PHLPP1: variants seen among roughly 807,000 people sequenced by gnomAD.
PHLPP1 encodes PH domain leucine-rich repeat-containing protein phosphatase 1.
Under a neutral mutation model 117.2 loss-of-function variants are expected in PHLPP1, and 42 were observed. The ratio of observed to expected loss-of-function variants is 0.36; its 90% CI spans 0.28 to 0.46. PHLPP1 has a LOEUF of 0.46. Among genes scored for constraint, PHLPP1 ranks in the 20% least tolerant of loss-of-function variants. The pLI, the probability that PHLPP1 is intolerant of heterozygous loss-of-function variation, is 1.00. For synonymous variants in PHLPP1, 1,042 were observed against 970.7 expected, an observed-to-expected ratio of 1.07 and a Z score of -1.37; for missense variants, 2,084 against 2,241.9, an observed-to-expected ratio of 0.93 and a Z score of 1.42.
chr18:62,914,186 A>T (rs561945182), intron 8 of PHLPP1, among the ~76,000 whole-genome samples: 1 of 152,186 alleles, frequency 6.6e-6, no homozygotes, highest in African/African-American at 2.4e-5. Context: ...CCATTTGTCC[A>T]TGGCTGTGTT....
At chr18:62,789,934 C>T (rs1417628907) in intron 1 of PHLPP1, among the ~76,000 whole-genome samples, 6 of 152,084 alleles carry the variant, frequency 3.9e-5, no homozygotes, top group Admixed American at 2.0e-4. Context: ...GGTCATTTAT[C>T]GCAGTTGAAG....
chr18:62,942,297 G>A (rs1229387161), intron 11 of PHLPP1, among the ~76,000 whole-genome samples: 2 of 152,046 alleles, frequency 1.3e-5, no homozygotes, highest in Non-Finnish European at 2.9e-5. Flanking sequence ...GACATGGGAG[G>A]GTCACTTGAG....
At chr18:62,832,629 A>G (rs2144333806) in intron 2 of PHLPP1, among the ~76,000 whole-genome samples, 1 of 152,314 alleles carries the variant, frequency 6.6e-6, no homozygotes, top group Non-Finnish European at 1.5e-5. Flanking sequence ...GTTTTATACT[A>G]TGCCTTTAAA....
intron 1 of PHLPP1, 113 bp downstream of exon 1, chr18:62,717,372 G>A: frequency 1.5e-6 from 2 of 1,378,896 alleles, no homozygotes; most frequent in African/African-American, 1.5e-5. Context: ...GTCCTGATGA[G>A]TCTTTGTCTT....
chr18:62,937,992 A>G (rs1169538363), intron 10 of PHLPP1, among the ~76,000 whole-genome samples: 1 of 152,190 alleles, frequency 6.6e-6, no homozygotes, highest in South Asian at 2.1e-4. Flanking sequence ...TGGGCAACAG[A>G]GCAAGACTCT....
intron 13 of PHLPP1, among the ~76,000 whole-genome samples, chr18:62,960,388 G>A (rs548577625): frequency 1.1e-4 from 16 of 152,162 alleles, no homozygotes; most frequent in South Asian, 4.1e-4. Flanking sequence ...TATTTATGTC[G>A]TATATGTTTA....
intron 1 of PHLPP1, among the ~76,000 whole-genome samples, chr18:62,784,460 T>C (rs142080304): frequency 1.8e-3 from 269 of 152,346 alleles, no homozygotes; most frequent in African/African-American, 6.2e-3. Flanking sequence ...GTAGGTTTTG[T>C]AGCCATACCC....
chr18:62,942,129 C>G (rs1568168954), intron 11 of PHLPP1, among the ~76,000 whole-genome samples: 1 of 152,200 alleles, frequency 6.6e-6, no homozygotes, highest in East Asian at 1.9e-4. Flanking sequence ...GACCTAATCA[C>G]AAGAATGTTC....
At position 62,716,099 on chromosome 18, in the gene PHLPP1, C is replaced by A; in HGVS notation, c.416C>A (p.Ser139Ter). ...TCCGCGGCCGCCGCGGCCGCCTCCT[C>A]GTCGTCGTCGTCCTCGGCCGCTGCT... ...NLSAAAAAAS[S>*]SSSSSAAAAS... The change falls in exon 1 of 17, where the codon TCG becomes TAG. Residue 139 changes from serine (S) to a stop codon, truncating the protein, a stop_gained. Coordinates refer to ENST00000262719, the MANE Select transcript of PHLPP1 (RefSeq NM_194449.4). LOFTEE classifies it high-confidence loss of function. The surrounding 1 kb of genome is among the most constrained non-coding windows in gnomAD (Gnocchi z 5.7). 1 of 1,498,808 alleles carries A rather than the reference C, an allele frequency of 6.7e-7. No homozygotes were observed. Among genetic ancestry groups the A allele is most frequent in the South Asian group, 1.3e-5 (1 of 79,896 alleles). The allele number at this position is 1,498,808 out of a possible 1,614,324, so 92.8% of individuals were successfully genotyped here. A position where few individuals can be genotyped will look rare whatever the true frequency, so the allele number is the denominator to read the frequency against.
intron 2 of PHLPP1, among the ~76,000 whole-genome samples, chr18:62,835,743 G>C (rs1349136740): frequency 7.0e-6 from 1 of 142,998 alleles, no homozygotes; most frequent in Non-Finnish European, 1.5e-5. Context: ...ACGTTAAACT[G>C]TCTTTCTTTA....
At chr18:62,868,974 ATCTT>A (rs1915833721) in intron 4 of PHLPP1, among the ~76,000 whole-genome samples, 1 of 152,256 alleles carries the variant, frequency 6.6e-6, no homozygotes. Context: ...GACATGAGCC[ATCTT>A]TCAGCTGTTG....
chr18:62,881,940 G>A (rs539466588), intron 4 of PHLPP1, among the ~76,000 whole-genome samples: 4 of 152,304 alleles, frequency 2.6e-5, no homozygotes, highest in South Asian at 2.1e-4. Flanking sequence ...TCTGAAGCAG[G>A]CACAATGAGC....
At chr18:62,846,209 C>CAAAAAAAA (rs34577472) in intron 3 of PHLPP1, among the ~76,000 whole-genome samples, 1 of 78,676 alleles carries the variant, frequency 1.3e-5, no homozygotes, top group African/African-American at 5.2e-5. Flanking sequence ...AACTCCATCT[C>CAAAAAAAA]AAAAAAAAAA....
In PHLPP1 at chr18:62,750,614, C is replaced by A. The variant is rs927497183; in HGVS notation, c.1576+33355C>A. On this transcript the variant is annotated intron_variant, in intron 1 of 16. Coordinates refer to ENST00000262719, the MANE Select transcript of PHLPP1 (RefSeq NM_194449.4). The stretch of plus-strand genomic sequence containing the variant: ...TTTGTCTTTTGCATTTATTGCCCTT[C>A]TTTTCTTTTTCCTGATTTCCAGCTA... Among the ~76,000 whole-genome samples, 13 of 151,986 alleles carry A rather than the reference C, an allele frequency of 8.6e-5. No homozygotes were observed. The South Asian group carries it at 2.5e-3, about 29-fold the overall frequency.
intron 1 of PHLPP1, among the ~76,000 whole-genome samples, chr18:62,769,955 A>T (rs1461103642): frequency 1.3e-5 from 2 of 152,212 alleles, no homozygotes; most frequent in South Asian, 4.1e-4. Flanking sequence ...TGGACAACTC[A>T]TAGTTCTGTT....
intron 1 of PHLPP1, among the ~76,000 whole-genome samples, chr18:62,779,736 C>T (rs142238012): frequency 6.6e-6 from 1 of 152,304 alleles, no homozygotes; most frequent in East Asian, 1.9e-4. Flanking sequence ...CATGATTTCT[C>T]ATCATATCAA....
At chr18:62,834,449 A>G (rs1368325100) in intron 2 of PHLPP1, among the ~76,000 whole-genome samples, 1 of 152,216 alleles carries the variant, frequency 6.6e-6, no homozygotes, top group Non-Finnish European at 1.5e-5. Flanking sequence ...AGAGTTCTGC[A>G]TAGGGGACAA....
chr18:62,828,233 T>C (rs1272478953), intron 1 of PHLPP1, among the ~76,000 whole-genome samples: 1 of 152,176 alleles, frequency 6.6e-6, no homozygotes, highest in Non-Finnish European at 1.5e-5. Context: ...GCTCTTAGAC[T>C]GGAAACCCCG....
intron 3 of PHLPP1, among the ~76,000 whole-genome samples, chr18:62,846,691 T>A (rs563168658): frequency 6.6e-6 from 1 of 152,286 alleles, no homozygotes; most frequent in South Asian, 2.1e-4. Context: ...ATATAAAAAA[T>A]TACATTATGG....
Sources: gnomAD v4.1 joint callset for allele counts (sites outside exome capture counted in the v4.1 genomes callset) on GRCh38, gnomAD v4.1.1 for gene constraint, Gnocchi (gnomAD v3.1) non-coding constraint, MANE v1.5 for transcripts, NCBI Gene and HGNC (gene_info 2026-07-23, HGNC 2026-07-21) for gene names.